GOLGA7: variants seen among roughly 807,000 people sequenced by gnomAD.
GOLGA7 encodes golgin A7, also known as golgin subfamily A member 7.
In GOLGA7, 10 loss-of-function variants were observed where a neutral mutation model predicts 21.1. The observed-to-expected ratio is 0.47, with a 90% CI of 0.29 to 0.80. The LOEUF is 0.80. Ranked by LOEUF, GOLGA7 falls within the 30% of genes least tolerant of loss-of-function variation. The pLI, the probability that GOLGA7 is intolerant of heterozygous loss-of-function variation, is 0.08. For synonymous variants in GOLGA7, 64 were observed against 62.6 expected, an observed-to-expected ratio of 1.02 and a Z score of -0.10; for missense variants, 114 against 166.8, an observed-to-expected ratio of 0.68 and a Z score of 1.74.
intron 1 of GOLGA7, among the ~76,000 whole-genome samples, chr8:41,496,637 C>T (rs1806020398): frequency 6.6e-6 from 1 of 151,314 alleles, no homozygotes; most frequent in Non-Finnish European, 1.5e-5. Flanking sequence ...GCCTTTTGAT[C>T]CTTCTGCTAA....
Position 41,500,559 on chromosome 8 carries a change from G to A in GOLGA7, c.264+2898G>A, listed in dbSNP as rs564357656. On this transcript the variant is annotated intron_variant, in intron 2 of 4. Coordinates refer to ENST00000357743, the MANE Select transcript of GOLGA7 (RefSeq NM_001002296.2). ...AGTGCAAGTGGGAAGCTACTCAAAG[G>A]ATTTAATCAAGAGAGTGATGTGATG... is the stretch of plus-strand genomic sequence containing the variant. Among the ~76,000 whole-genome samples, 3 of 152,156 alleles carry A rather than the reference G, an allele frequency of 2.0e-5. No homozygotes were observed. In the South Asian group the frequency reaches 6.2e-4, roughly 32 times the overall value.
In GOLGA7 at chr8:41,510,949, A is replaced by G. The variant is rs1462517210; in HGVS notation, c.*1381A>G. ...CCTGTTGCAATAACTTTGCTGAAAT[A>G]TTAACACATTAATAAAACTTTTCTT... On this transcript the variant is annotated 3_prime_UTR_variant, in exon 5 of 5. Transcript: ENST00000357743. The G allele has an allele frequency of 2.4e-5, 4 of 168,078 alleles. No homozygotes were observed. In the East Asian group the frequency reaches 5.5e-4, roughly 23 times the overall value. 10.4% of individuals were successfully genotyped at this position (168,078 alleles called of 1,614,324 possible).
At chr8:41,501,578 T>C (rs1001748108) in intron 2 of GOLGA7, among the ~76,000 whole-genome samples, 1 of 152,144 alleles carries the variant, frequency 6.6e-6, no homozygotes, top group African/African-American at 2.4e-5. Context: ...TAAAAAAAAC[T>C]AGAGATGGGG....
At chr8:41,502,264 G>A (rs1806167450) in intron 2 of GOLGA7, among the ~76,000 whole-genome samples, 1 of 152,122 alleles carries the variant, frequency 6.6e-6, no homozygotes, top group African/African-American at 2.4e-5. Context: ...AGGAATTTTT[G>A]TGCTATTATT....
chr8:41,506,900 G>T, intron 3 of GOLGA7, 159 bp from the exon 4 acceptor site: 2 of 650,164 alleles, frequency 3.1e-6, no homozygotes, highest in Non-Finnish European at 5.5e-6. Context: ...AAAATTTTCA[G>T]CAAATTGGAG....
chr8:41,509,148 A>G (rs1806360273), intron 4 of GOLGA7, among the ~76,000 whole-genome samples: 1 of 152,248 alleles, frequency 6.6e-6, no homozygotes, highest in South Asian at 2.1e-4. Flanking sequence ...ATTCCATCAC[A>G]ACTAGTGATA....
chr8:41,498,869 G>A (rs1210487002), intron 2 of GOLGA7, among the ~76,000 whole-genome samples: 6 of 152,170 alleles, frequency 3.9e-5, no homozygotes, highest in Non-Finnish European at 8.8e-5. Context: ...ATTAATCATG[G>A]TAAGCCCCTG....
Position 41,497,607 on chromosome 8 carries a change from G to A in GOLGA7, c.210G>A (p.Leu70=), listed in dbSNP as rs542115229. The part of the protein sequence containing the change: ...LGGQSYLEGC[L]ACLTAYTIFL... Reference sequence around the variant, plus strand: ...GCCAGTCATATCTCGAAGGTTGTTTGGCTTGTTTAACAGCATATACCATCT... The same window carrying A: ...GCCAGTCATATCTCGAAGGTTGTTTAGCTTGTTTAACAGCATATACCATCT... Residue 70 remains leucine (L), a synonymous_variant, in exon 2 of 5, where the codon TTG becomes TTA. Transcript: ENST00000357743. The A allele has an allele frequency of 1.9e-6, 3 of 1,585,194 alleles. No individual in the cohort carries two copies. The highest frequency in any genetic ancestry group is 2.7e-5 in the African/African-American group (2 of 74,462).
At chr8:41,496,975 T>A (rs898427708) in intron 1 of GOLGA7, among the ~76,000 whole-genome samples, 5 of 151,508 alleles carry the variant, frequency 3.3e-5, no homozygotes, top group Non-Finnish European at 2.9e-5. Flanking sequence ...GCCCGGCTAA[T>A]TTTTTTTGGT....
chr8:41,496,377 A>T (rs1806014273), intron 1 of GOLGA7, among the ~76,000 whole-genome samples: 1 of 152,100 alleles, frequency 6.6e-6, no homozygotes, highest in Non-Finnish European at 1.5e-5. Context: ...GTATCATGTC[A>T]GTGCTCAAAA....
chr8:41,493,739 A>G (rs967811847), intron 1 of GOLGA7, among the ~76,000 whole-genome samples: 11 of 152,196 alleles, frequency 7.2e-5, no homozygotes, highest in Non-Finnish European at 1.0e-4. Context: ...TGTAGTTCAC[A>G]GTAATTCTGG....
chr8:41,498,226 C>A (rs1806066686), intron 2 of GOLGA7, among the ~76,000 whole-genome samples: 1 of 152,224 alleles, frequency 6.6e-6, no homozygotes. Flanking sequence ...CTGCCACTAT[C>A]CTGGGTTATG....
At position 41,490,863 on chromosome 8, in the gene GOLGA7, G is replaced by T. The variant is rs1227795937; in HGVS notation, c.9G>T (p.Pro3=). The change falls in exon 1 of 5, where the codon CCG becomes CCT. Residue 3 remains proline, a synonymous_variant. Transcript: ENST00000357743. The part of the protein sequence containing the change: MR[P]QQAPVSGKVF... ...GGTGTCCTGTCCTCGCCATGAGGCC[G>T]CAGCAGGCGCCGGTGTCCGGAAAGG... The T allele has an allele frequency of 6.3e-7, 1 of 1,588,840 alleles. No homozygotes were observed. Among genetic ancestry groups the T allele is most frequent in the South Asian group, 1.1e-5 (1 of 87,916 alleles).
In GOLGA7 at chr8:41,499,540, G is replaced by A. The variant is rs140302655; in HGVS notation, c.264+1879G>A. Among the ~76,000 whole-genome samples, 20 of 152,248 alleles carry A rather than the reference G, an allele frequency of 1.3e-4. No homozygotes were observed. In the East Asian group the frequency reaches 3.3e-3, roughly 25 times the overall value. On this transcript the variant is annotated intron_variant, in intron 2 of 4. Coordinates refer to ENST00000357743, the MANE Select transcript of GOLGA7 (RefSeq NM_001002296.2). Reference sequence around the variant, plus strand: ...CCTGGAGTCAGGCCGCTCGATGACCGAACTCTTCTCCAACCACCCTGGCCA... The same window carrying A: ...CCTGGAGTCAGGCCGCTCGATGACCAAACTCTTCTCCAACCACCCTGGCCA...
rs562056866 is a variant in GOLGA7, at chr8:41,499,644, C to T, written c.264+1983C>T. On this transcript the variant is annotated intron_variant, in intron 2 of 4. Transcript: ENST00000357743. ...ACGCCAGTGTGTTCCTCTTGACATC[C>T]AGCCACCCTGTGTGTTCCTCCACTA... Among the ~76,000 whole-genome samples, 3 of 152,274 alleles carry T rather than the reference C, an allele frequency of 2.0e-5. No individual in the cohort carries two copies. The East Asian group carries it at 5.8e-4, about 29-fold the overall frequency.
intron 1 of GOLGA7, among the ~76,000 whole-genome samples, chr8:41,491,643 G>T (rs1476351473): frequency 6.7e-6 from 1 of 150,328 alleles, no homozygotes. Flanking sequence ...GGAAGAATGG[G>T]ATTTGCTTCC....
chr8:41,494,877 AAAG>A (rs1301059137), intron 1 of GOLGA7, among the ~76,000 whole-genome samples: 30 of 152,118 alleles, frequency 2.0e-4, no homozygotes, highest in Non-Finnish European at 2.9e-5. Flanking sequence ...CTTCTAACTT[AAAG>A]AGTTGTCATA....
chr8:41,500,858 A>G (rs749458052), intron 2 of GOLGA7, among the ~76,000 whole-genome samples: 1 of 152,236 alleles, frequency 6.6e-6, no homozygotes, highest in African/African-American at 2.4e-5. Flanking sequence ...GGAAGGGAGC[A>G]GGGGAGGTGC....
chr8:41,506,155 A>C, intron 3 of GOLGA7, 143 bp downstream of exon 3: 2 of 513,280 alleles, frequency 3.9e-6, no homozygotes, highest in South Asian at 3.0e-5. Context: ...CCTACTGTAA[A>C]CCCCGTGTCT....
Sources: gnomAD v4.1 joint callset for allele counts (sites outside exome capture counted in the v4.1 genomes callset) on GRCh38, gnomAD v4.1.1 for gene constraint, MANE v1.5 for transcripts, NCBI Gene and HGNC (gene_info 2026-07-23, HGNC 2026-07-21) for gene names.